The following CAMKK2 variants were observed in gnomAD, a reference collection of about 807,000 sequenced individuals.
CAMKK2 encodes the protein calcium/calmodulin dependent protein kinase kinase 2, also known as calcium/calmodulin-dependent protein kinase kinase 2.
Under a neutral mutation model 67.2 loss-of-function variants are expected in CAMKK2, and 30 were observed. That is an observed-to-expected ratio of 0.45 (90% CI 0.33 to 0.61). The LOEUF is 0.61. Ranked by LOEUF, CAMKK2 falls within the 20% of genes least tolerant of loss-of-function variation. CAMKK2 has a pLI of 0.02. For synonymous variants in CAMKK2, 322 were observed against 326.2 expected (o/e 0.99, Z 0.14); for missense variants, 643 against 802.0 (o/e 0.80, Z 2.39).
At position 121,263,814 on chromosome 12, in the gene CAMKK2, G is replaced by A. The variant is rs751276202; in HGVS notation, c.751C>T (p.Leu251=). 4 of 1,608,170 alleles carry A rather than the reference G, an allele frequency of 2.5e-6. No individual in the cohort carries two copies. The South Asian group carries it at 4.4e-5, about 18-fold the overall frequency. The change falls in exon 6 of 17, where the codon CTG becomes TTG. Residue 251 remains leucine (L), a synonymous_variant. Transcript: ENST00000404169. ...KKLDHPNVVK[L]VEVLDDPNED... is the part of the protein sequence containing the mutation. ...CGCCTCCACCCTTTTACCTCCACCAGCTTCACCACATTGGGGTGGTCCAGC... is the reference window on the plus strand; with the variant it reads ...CGCCTCCACCCTTTTACCTCCACCAACTTCACCACATTGGGGTGGTCCAGC...
intron 7 of CAMKK2, among the ~76,000 whole-genome samples, chr12:121,258,157 T>TGA (rs1892728253): frequency 6.6e-6 from 1 of 152,004 alleles, no homozygotes; most frequent in South Asian, 2.1e-4. Context: ...CCCAAGTAGC[T>TGA]GAGATTACAG....
rs116367465 is a variant in CAMKK2, at chr12:121,251,227, C to G, written c.1162-1193G>C. On this transcript the variant is annotated intron_variant, in intron 11 of 16. Transcript: ENST00000404169. ...AGAGTGGAGATGGTGGTAACTTACTCTGAAATACATTAAGAAACCAGATGG... is the reference window on the plus strand; with the variant it reads ...AGAGTGGAGATGGTGGTAACTTACTGTGAAATACATTAAGAAACCAGATGG... Among the ~76,000 whole-genome samples the G allele has an allele frequency of 3.3e-3, 507 of 152,276 alleles. 6 individuals carry two copies. Among genetic ancestry groups the G allele is most frequent in the African/African-American group, 0.012 (488 of 41,550 alleles).
Position 121,253,210 on chromosome 12 carries a change from G to T in CAMKK2, c.1107+63C>A. The T allele has an allele frequency of 6.8e-7, 1 of 1,460,658 alleles. No individual in the cohort carries two copies. 90.5% of individuals were successfully genotyped at this position (1,460,658 alleles called of 1,614,324 possible). ...AGCCTGTGTGCGTTGGGTTTCTGCT[G>T]CTTACAATCCAGAAGACACTAACAC... is the stretch of plus-strand genomic sequence containing the variant. On this transcript the variant is annotated intron_variant, in intron 10 of 16. Coordinates refer to ENST00000404169, the MANE Select transcript of CAMKK2 (RefSeq NM_001270485.2). This position sits in a 1 kb window ranked among gnomAD's most constrained non-coding sequence, Gnocchi z 5.0.
chr12:121,243,647 G>A (rs960290515), intron 16 of CAMKK2: 1 of 173,248 alleles, frequency 5.8e-6, no homozygotes, highest in African/African-American at 2.4e-5. Flanking sequence ...CCTATTCTGA[G>A]TGGTTACTGG....
chr12:121,269,817 G>A (rs957016750), intron 3 of CAMKK2: 7 of 428,640 alleles, frequency 1.6e-5, no homozygotes, highest in African/African-American at 1.4e-4. Context: ...GGGAGGCCGA[G>A]GCAGGCGGAT....
chr12:121,252,822 G>A (rs1445957700), intron 10 of CAMKK2, 108 bp from the exon 11 acceptor site: 4 of 1,111,982 alleles, frequency 3.6e-6, no homozygotes, highest in Admixed American at 2.0e-5. Context: ...TGGAGTTGGG[G>A]CGGGACCAAT....
chr12:121,248,580 C>G, intron 14 of CAMKK2, 26 bp downstream of exon 14: 1 of 1,613,894 alleles, frequency 6.2e-7, no homozygotes, highest in Non-Finnish European at 8.5e-7. Flanking sequence ...GGTCCCTGCT[C>G]TGGGTCAGGG....
rs563319803 is a variant in CAMKK2, at chr12:121,291,905, A to C, written c.-60+4733T>G. On this transcript the variant is annotated intron_variant, in intron 1 of 16. Coordinates refer to ENST00000404169, the MANE Select transcript of CAMKK2 (RefSeq NM_001270485.2). ...ACCCCGTCTCTACTAAAAATACAAA[A>C]ATTAGCTGGGCATGGTGTCACATGC... 1.3e-3 allele frequency among the ~76,000 whole-genome samples: 199 copies of C among 151,142 alleles called. 1 individual carries two copies. The highest frequency in any genetic ancestry group is 2.5e-4 in the Non-Finnish European group (17 of 67,742).
intron 5 of CAMKK2, among the ~76,000 whole-genome samples, chr12:121,266,222 C>T (rs2136350320): frequency 6.6e-6 from 1 of 152,306 alleles, no homozygotes; most frequent in East Asian, 1.9e-4. Flanking sequence ...CCGCTCCCGG[C>T]CTGAGATGGT....
At chr12:121,269,640 A>C (rs1895325745) in intron 3 of CAMKK2, 59 bp from the exon 4 acceptor site, 3 of 1,356,458 alleles carry the variant, frequency 2.2e-6, no homozygotes, top group African/African-American at 2.9e-5. Context: ...GCAAAATGAG[A>C]ACCCTAATAC....
chr12:121,262,507 G>A (rs549103289), intron 6 of CAMKK2, among the ~76,000 whole-genome samples: 3 of 149,194 alleles, frequency 2.0e-5, no homozygotes, highest in South Asian at 2.1e-4. Flanking sequence ...GTGAGACTCC[G>A]TCTCAAAAAA....
At chr12:121,291,909 A>G (rs1201513172) in intron 1 of CAMKK2, among the ~76,000 whole-genome samples, 1 of 151,240 alleles carries the variant, frequency 6.6e-6, no homozygotes, top group East Asian at 2.0e-4. Context: ...TACAAAAATT[A>G]GCTGGGCATG....
Position 121,253,180 on chromosome 12 carries a change from G to T in CAMKK2, c.1107+93C>A. 9.0e-7 allele frequency: 1 copy of T among 1,115,040 alleles called. No homozygotes were observed. Among genetic ancestry groups the T allele is most frequent in the Non-Finnish European group, 1.3e-6 (1 of 748,718 alleles). 69.1% of individuals were successfully genotyped at this position (1,115,040 alleles called of 1,614,324 possible). A position where few individuals can be genotyped will look rare whatever the true frequency, so the allele number is the denominator to read the frequency against. The stretch of plus-strand genomic sequence containing the variant: ...AGTATCTTGATCCAGGGGATTCACT[G>T]TTTAAGCCTGTGTGCGTTGGGTTTC... On this transcript the variant is annotated intron_variant, in intron 10 of 16. Coordinates refer to ENST00000404169, the MANE Select transcript of CAMKK2 (RefSeq NM_001270485.2). The surrounding 1 kb of genome is among the most constrained non-coding windows in gnomAD (Gnocchi z 5.0).
chr12:121,253,186 G>C lies in CAMKK2; in HGVS notation c.1107+87C>G. 1 of 1,165,376 alleles carries C rather than the reference G, an allele frequency of 8.6e-7. No homozygotes were observed. The allele number at this position is 1,165,376 out of a possible 1,614,324, so 72.2% of individuals were successfully genotyped here. ...TTGATCCAGGGGATTCACTGTTTAA[G>C]CCTGTGTGCGTTGGGTTTCTGCTGC... On this transcript the variant is annotated intron_variant, in intron 10 of 16. Transcript: ENST00000404169. This position sits in a 1 kb window ranked among gnomAD's most constrained non-coding sequence, Gnocchi z 5.0.
At chr12:121,261,881 G>A (rs1295079022) in intron 6 of CAMKK2, among the ~76,000 whole-genome samples, 1 of 152,126 alleles carries the variant, frequency 6.6e-6, no homozygotes, top group Non-Finnish European at 1.5e-5. Flanking sequence ...GTACTCCCAT[G>A]GCACTCTGAA....
chr12:121,277,703 G>C (rs369131505), intron 1 of CAMKK2, among the ~76,000 whole-genome samples: 1 of 152,168 alleles, frequency 6.6e-6, no homozygotes, highest in Non-Finnish European at 1.5e-5. Flanking sequence ...GCAGTGGTTC[G>C]CACCTGTAAT....
intron 1 of CAMKK2, among the ~76,000 whole-genome samples, chr12:121,275,875 A>G (rs1230747625): frequency 6.6e-6 from 1 of 152,164 alleles, no homozygotes; most frequent in Non-Finnish European, 1.5e-5. Context: ...CAATTTTTTA[A>G]AAAAGGCCAG....
At chr12:121,289,233 C>A (rs1899457801) in intron 1 of CAMKK2, among the ~76,000 whole-genome samples, 1 of 151,730 alleles carries the variant, frequency 6.6e-6, no homozygotes, top group Non-Finnish European at 1.5e-5. Context: ...TTTCTCTATG[C>A]TTAAAATGTT....
chr12:121,244,112 G>A, intron 16 of CAMKK2: 1 of 1,612,128 alleles, frequency 6.2e-7, no homozygotes, highest in East Asian at 2.2e-5. Flanking sequence ...AGGCAGGAAG[G>A]GGACTTATTT....
Sources: gnomAD v4.1 joint callset for allele counts (sites outside exome capture counted in the v4.1 genomes callset) on GRCh38, gnomAD v4.1.1 for gene constraint, Gnocchi (gnomAD v3.1) non-coding constraint, MANE v1.5 for transcripts, NCBI Gene and HGNC (gene_info 2026-07-23, HGNC 2026-07-21) for gene names.